The following ITSN2 variants were observed in gnomAD, a reference collection of about 807,000 sequenced individuals.
ITSN2 encodes the protein intersectin-2.
Under a neutral mutation model 243.7 loss-of-function variants are expected in ITSN2, and 156 were observed. The observed-to-expected ratio is 0.64, with a 90% CI of 0.56 to 0.73. The LOEUF (loss-of-function observed/expected upper bound fraction) is 0.73. Ranked by LOEUF, ITSN2 falls within the 30% of genes least tolerant of loss-of-function variation. The pLI is 0.00. For missense variants in ITSN2, 1,801 were observed against 1,996.1 expected (o/e 0.90, Z 1.86); for synonymous variants, 703 against 699.9 (o/e 1.00, Z -0.07).
At chr2:24,327,530 C>T (rs1036251128) in intron 2 of ITSN2, among the ~76,000 whole-genome samples, 6 of 152,030 alleles carry the variant, frequency 3.9e-5, no homozygotes, top group Admixed American at 2.0e-4. Flanking sequence ...AACTCCTGAC[C>T]TCAAGTGATC....
chr2:24,334,066 T>TC (rs1342028475), intron 1 of ITSN2, among the ~76,000 whole-genome samples: 52 of 150,218 alleles, frequency 3.5e-4, no homozygotes, highest in African/African-American at 1.1e-3. Context: ...ATTTTTTTTT[T>TC]TCTTTTTTTT....
At chr2:24,282,252 C>A (rs182707129) in intron 17 of ITSN2, among the ~76,000 whole-genome samples, 12 of 152,306 alleles carry the variant, frequency 7.9e-5, no homozygotes, top group Admixed American at 2.0e-4. Context: ...ATCAAGAGCA[C>A]GCCGGTGGAA....
Position 24,204,150 on chromosome 2 carries a change from C to T in ITSN2, c.4936+95G>A. ...GGCCTGTGTCACTTCCCTGAAGTGG[C>T]ATGGGGTCTGCACACAGCTGAAGCC... On this transcript the variant is annotated intron_variant, in intron 39 of 39. Transcript: ENST00000355123. The surrounding 1 kb of genome is among the most constrained non-coding windows in gnomAD (Gnocchi z 5.1). 3 of 1,235,592 alleles carry T rather than the reference C, an allele frequency of 2.4e-6. No homozygotes were observed. The highest frequency in any genetic ancestry group is 3.5e-6 in the Non-Finnish European group (3 of 859,130). The allele number at this position is 1,235,592 out of a possible 1,614,324, so 76.5% of individuals were successfully genotyped here.
chr2:24,208,697 G>A lies in ITSN2; in HGVS notation c.4596-378C>T, dbSNP rs544674368. 2.0e-5 allele frequency among the ~76,000 whole-genome samples: 3 copies of A among 152,378 alleles called. No individual in the cohort carries two copies. The East Asian group carries it at 5.8e-4, about 29-fold the overall frequency. ...GCCTGAAGGAAGCTGGGAACAGCGG[G>A]GATGGCACCCACACAAGGGCGCCTG... On this transcript the variant is annotated intron_variant, in intron 36 of 39. Coordinates refer to ENST00000355123, the MANE Select transcript of ITSN2 (RefSeq NM_006277.3).
At position 24,203,191 on chromosome 2, in the gene ITSN2, C is replaced by T. The variant is rs1204150175; in HGVS notation, c.*435G>A. On this transcript the variant is annotated 3_prime_UTR_variant, in exon 40 of 40. Coordinates refer to ENST00000355123, the MANE Select transcript of ITSN2 (RefSeq NM_006277.3). ...GCCGCGCCAAGTGTCGAGGCTGCAG[C>T]CTCTCATCCTGACCCTTCCCCTCCT... 1 of 156,468 alleles carries T rather than the reference C, an allele frequency of 6.4e-6. No homozygotes were observed. The highest frequency in any genetic ancestry group is 2.4e-5 in the African/African-American group (1 of 41,556). 9.7% of individuals were successfully genotyped at this position (156,468 alleles called of 1,614,324 possible).
rs2303291 is a variant in ITSN2 at position 24,208,315 on chromosome 2, C to A, written c.4600G>T (p.Ala1534Ser). The A allele has an allele frequency of 1.2e-6, 2 of 1,611,576 alleles. No individual in the cohort carries two copies. Among genetic ancestry groups the A allele is most frequent in the Non-Finnish European group, 1.7e-6 (2 of 1,179,606 alleles). The change falls in exon 37 of 40, where the codon GCC becomes TCC. Residue 1534 changes from alanine to serine, a missense_variant. This residue lies in a region of ITSN2 where 928 missense variants were observed against 1,065.4 expected (regional missense o/e 0.87). Transcript: ENST00000355123. ...LRTDNINERT[A>S]WVQKIKAASE... is the part of the protein sequence containing the mutation. ...GCCGCCTTGATCTTCTGCACCCAGG[C>A]GGTCCTACGGGAGAAGCAGGGGCAG...
intron 14 of ITSN2, among the ~76,000 whole-genome samples, chr2:24,295,237 T>C (rs1011770722): frequency 6.6e-6 from 1 of 152,196 alleles, no homozygotes; most frequent in African/African-American, 2.4e-5. Context: ...ATTGCGTGTA[T>C]TTAGATCACA....
intron 8 of ITSN2, among the ~76,000 whole-genome samples, chr2:24,305,542 A>G (rs1682409384): frequency 7.1e-6 from 1 of 141,216 alleles, no homozygotes; most frequent in Non-Finnish European, 1.5e-5. Context: ...GCACCACTGC[A>G]CTCCAGCCTG....
chr2:24,312,965 T>C (rs868443006), intron 4 of ITSN2, among the ~76,000 whole-genome samples: 5 of 152,154 alleles, frequency 3.3e-5, no homozygotes, highest in African/African-American at 1.2e-4. Context: ...TGATAATGTA[T>C]ATATCTTTCC....
At chr2:24,359,740 C>T (rs1351332259) in intron 1 of ITSN2, among the ~76,000 whole-genome samples, 1 of 152,166 alleles carries the variant, frequency 6.6e-6, no homozygotes, top group African/African-American at 2.4e-5. Context: ...GTAAATTTAA[C>T]ATTTCCAACT....
intron 30 of ITSN2, 47 bp downstream of exon 30, chr2:24,220,898 G>A (rs774045452): frequency 5.2e-6 from 8 of 1,548,766 alleles, no homozygotes; most frequent in East Asian, 2.4e-5. Flanking sequence ...CATCTCTCAT[G>A]AGAGACAGCA....
chr2:24,341,675 C>T (rs1687056685), intron 1 of ITSN2, among the ~76,000 whole-genome samples: 2 of 152,170 alleles, frequency 1.3e-5, no homozygotes, highest in South Asian at 2.1e-4. Context: ...AGTCAGGAGA[C>T]CGGTCTCACG....
intron 1 of ITSN2, among the ~76,000 whole-genome samples, chr2:24,348,436 C>T (rs1461826734): frequency 2.0e-5 from 3 of 151,972 alleles, no homozygotes; most frequent in Non-Finnish European, 2.9e-5. Context: ...GTGATCCACC[C>T]GCCTCAGCTT....
At chr2:24,328,457 G>A (rs1485414464) in intron 1 of ITSN2, among the ~76,000 whole-genome samples, 7 of 151,846 alleles carry the variant, frequency 4.6e-5, no homozygotes, top group Admixed American at 1.3e-4. Flanking sequence ...GAATAACATG[G>A]AAATCCATAC....
intron 17 of ITSN2, among the ~76,000 whole-genome samples, chr2:24,279,756 G>A (rs376957325): frequency 9.4e-5 from 12 of 126,994 alleles, no homozygotes; most frequent in Middle Eastern, 5.4e-3. Context: ...TTTTTGAGAC[G>A]GAGTCTCGCT....
chr2:24,300,249 G>T, intron 11 of ITSN2, 78 bp from the exon 12 acceptor site: 1 of 1,394,746 alleles, frequency 7.2e-7, no homozygotes, highest in Non-Finnish European at 9.9e-7. Flanking sequence ...ATATACTTAT[G>T]CCTTGTGATC....
At chr2:24,312,592 C>A (rs1420195116) in intron 4 of ITSN2, among the ~76,000 whole-genome samples, 1 of 152,008 alleles carries the variant, frequency 6.6e-6, no homozygotes, top group Non-Finnish European at 1.5e-5. Flanking sequence ...TAAAACACTG[C>A]CTGTCAAAAC....
Position 24,248,892 on chromosome 2 carries a change from A to G in ITSN2, c.3121-10T>C. The stretch of plus-strand genomic sequence containing the variant: ...TAGCACTCCCAAAACTCTACAAGGA[A>G]AAGATACCGTGTTGTTTTATTATTT... On this transcript the variant is annotated splice_polypyrimidine_tract_variant and intron_variant, in intron 25 of 39. Transcript: ENST00000355123. The G allele has an allele frequency of 6.2e-7, 1 of 1,612,714 alleles. No individual in the cohort carries two copies. Among genetic ancestry groups the G allele is most frequent in the Middle Eastern group, 1.7e-4 (1 of 6,054 alleles).
intron 2 of ITSN2, among the ~76,000 whole-genome samples, chr2:24,318,745 T>C (rs1430383773): frequency 1.3e-5 from 2 of 152,146 alleles, no homozygotes; most frequent in Non-Finnish European, 2.9e-5. Flanking sequence ...TAGGCAGGCT[T>C]GGTTCATAAA....
Sources: allele counts gnomAD v4.1 joint callset (sites outside exome capture counted in the v4.1 genomes callset), GRCh38; gene constraint gnomAD v4.1.1; regional missense constraint gnomAD v4.1.1; non-coding constraint Gnocchi (gnomAD v3.1); transcripts MANE v1.5; gene names NCBI Gene and HGNC (gene_info 2026-07-23, HGNC 2026-07-21).